The following PPFIBP1 variants were observed in gnomAD, a reference collection of about 807,000 sequenced individuals.
PPFIBP1 encodes liprin-beta-1.
A neutral mutation model predicts 137.8 loss-of-function variants in PPFIBP1; 112 were observed. The ratio of observed to expected loss-of-function variants is 0.81; its 90% confidence interval spans 0.70 to 0.95. PPFIBP1 has a LOEUF of 0.95. Ranked by LOEUF, PPFIBP1 falls within the 40% of genes least tolerant of loss-of-function variation. The pLI, the probability that PPFIBP1 is intolerant of heterozygous loss-of-function variation, is 0.00. For synonymous variants in PPFIBP1, 378 were observed against 417.3 expected (o/e 0.91, Z 1.15); for missense variants, 1,083 against 1,196.6 (o/e 0.91, Z 1.40).
chr12:27,556,955 CA>C (rs11311175), intron 1 of PPFIBP1, among the ~76,000 whole-genome samples: 104,957 of 149,208 alleles, frequency 0.7, 36,833 homozygotes, highest in African/African-American at 0.78. Context: ...CCCCACCCCT[CA>C]AAAAAAAAAA....
rs184801743 is a variant in PPFIBP1, at chr12:27,644,586, C to A, written c.271-1476C>A. Reference sequence around the variant, plus strand: ...ATGCGTTATTCATCCTGGCTCTTTTCCAAAAAACTGCCCTTGAGAAGTTGT... The same window carrying A: ...ATGCGTTATTCATCCTGGCTCTTTTACAAAAAACTGCCCTTGAGAAGTTGT... On this transcript the variant is annotated intron_variant, in intron 4 of 29. Coordinates refer to ENST00000228425, the MANE Select transcript of PPFIBP1 (RefSeq NM_003622.4). Among the ~76,000 whole-genome samples the A allele has an allele frequency of 6.6e-5, 10 of 152,228 alleles. No individual in the cohort carries two copies. The South Asian group carries it at 1.2e-3, about 19-fold the overall frequency.
intron 25 of PPFIBP1, among the ~76,000 whole-genome samples, chr12:27,687,899 A>G (rs1426200672): frequency 6.6e-6 from 1 of 152,142 alleles, no homozygotes; most frequent in Non-Finnish European, 1.5e-5. Flanking sequence ...CCTGGGCAAC[A>G]TAGGAAGACC....
chr12:27,619,021 G>A (rs2056067996), intron 2 of PPFIBP1, among the ~76,000 whole-genome samples: 1 of 152,182 alleles, frequency 6.6e-6, no homozygotes, highest in Non-Finnish European at 1.5e-5. Context: ...AACAGAGGCT[G>A]AGAGAGAATG....
intron 7 of PPFIBP1, among the ~76,000 whole-genome samples, chr12:27,651,567 C>G (rs1317722588): frequency 2.0e-5 from 3 of 152,164 alleles, no homozygotes; most frequent in East Asian, 3.8e-4. Context: ...CCTCTTTCCC[C>G]TCTTTTTGTC....
At chr12:27,623,874 T>G (rs1457316354) in intron 2 of PPFIBP1, among the ~76,000 whole-genome samples, 1 of 152,136 alleles carries the variant, frequency 6.6e-6, no homozygotes, top group Non-Finnish European at 1.5e-5. Context: ...GAGTCATAGC[T>G]GCACACAGCA....
At chr12:27,581,360 C>T (rs2136970295) in intron 2 of PPFIBP1, among the ~76,000 whole-genome samples, 1 of 152,200 alleles carries the variant, frequency 6.6e-6, no homozygotes, top group Non-Finnish European at 1.5e-5. Context: ...CTGAATGGGC[C>T]CAGGTACAAG....
intron 1 of PPFIBP1, among the ~76,000 whole-genome samples, chr12:27,573,958 G>A (rs934236976): frequency 6.6e-5 from 10 of 150,504 alleles, no homozygotes; most frequent in Admixed American, 1.3e-4. Flanking sequence ...CTCCAGCTTG[G>A]ATGACAAAGT....
intron 1 of PPFIBP1, among the ~76,000 whole-genome samples, chr12:27,546,808 G>A (rs568845489): frequency 1.0e-3 from 156 of 152,244 alleles, no homozygotes; most frequent in African/African-American, 3.5e-3. Context: ...GAGCCCAGGA[G>A]TTCGAGACCA....
intron 2 of PPFIBP1, among the ~76,000 whole-genome samples, chr12:27,606,585 G>T (rs1315714817): frequency 6.6e-6 from 1 of 152,302 alleles, no homozygotes; most frequent in South Asian, 2.1e-4. Context: ...TAGGCCAAAG[G>T]ATATCTTCGA....
chr12:27,686,872 CA>C (rs11342490), intron 24 of PPFIBP1, among the ~76,000 whole-genome samples: 7,376 of 132,448 alleles, frequency 0.056, 550 homozygotes, highest in African/African-American at 0.19. Context: ...CCTATCTCTC[CA>C]AAAAAAAAAA....
At chr12:27,692,771 G>A (rs2061631925) in intron 29 of PPFIBP1, 25 bp from the exon 30 acceptor site, 2 of 1,614,004 alleles carry the variant, frequency 1.2e-6, no homozygotes, top group Non-Finnish European at 1.7e-6. Context: ...CTCTCAGTGT[G>A]ACTCCCTGTC....
intron 7 of PPFIBP1, among the ~76,000 whole-genome samples, chr12:27,652,519 T>C (rs1177649236): frequency 2.0e-5 from 3 of 152,234 alleles, no homozygotes; most frequent in Non-Finnish European, 4.4e-5. Context: ...AAGTTTTACA[T>C]TAGGGAGCCA....
chr12:27,647,453 T>TC (rs1315638417), intron 5 of PPFIBP1, among the ~76,000 whole-genome samples: 25 of 152,332 alleles, frequency 1.6e-4, no homozygotes, highest in South Asian at 1.2e-3. Flanking sequence ...CATGCTGTCT[T>TC]TCATAAATGG....
intron 2 of PPFIBP1, among the ~76,000 whole-genome samples, chr12:27,617,838 A>C (rs1024044965): frequency 6.6e-6 from 1 of 152,198 alleles, no homozygotes; most frequent in African/African-American, 2.4e-5. Context: ...ACTTTGGAGC[A>C]CTAGTCCTAT....
chr12:27,544,446 G>C (rs1416367662), intron 1 of PPFIBP1, among the ~76,000 whole-genome samples: 1 of 152,200 alleles, frequency 6.6e-6, no homozygotes, highest in Non-Finnish European at 1.5e-5. Context: ...TCGTCGGAGT[G>C]AACAGGCAGC....
intron 2 of PPFIBP1, among the ~76,000 whole-genome samples, chr12:27,620,354 C>T (rs2056221148): frequency 2.0e-5 from 3 of 152,166 alleles, no homozygotes; most frequent in Admixed American, 2.0e-4. Flanking sequence ...CCCTCTGGCT[C>T]ACCAGCTTCC....
rs780296569 is a variant in PPFIBP1 at position 27,646,100 on chromosome 12, A to G, written c.309A>G (p.Gln103=). The G allele has an allele frequency of 1.6e-5, 26 of 1,612,194 alleles. No homozygotes were observed. In the Admixed American group the frequency reaches 4.3e-4, roughly 27 times the overall value. ...TACCAGGGAACGGAGATGTGTATCA[A>G]GAAAGGCTGGCACGTTTAGAAAATG... The part of the protein sequence containing the change: ...GHLPGNGDVY[Q]ERLARLENDK... The change falls in exon 5 of 30, where the codon CAA becomes CAG. Residue 103 remains glutamine (Q), a synonymous_variant. Transcript: ENST00000228425.
chr12:27,605,023 A>G (rs1436609402), intron 2 of PPFIBP1, among the ~76,000 whole-genome samples: 2 of 152,180 alleles, frequency 1.3e-5, no homozygotes, highest in Non-Finnish European at 2.9e-5. Flanking sequence ...TCCATGATTC[A>G]GTCATCTCCC....
intron 2 of PPFIBP1, among the ~76,000 whole-genome samples, chr12:27,588,862 G>T (rs1296625028): frequency 6.6e-6 from 1 of 152,152 alleles, no homozygotes; most frequent in East Asian, 1.9e-4. Context: ...CCTTTGAAAG[G>T]TGGAATAAAG....
Sources: allele counts gnomAD v4.1 joint callset (sites outside exome capture counted in the v4.1 genomes callset), GRCh38; gene constraint gnomAD v4.1.1; transcripts MANE v1.5; gene names NCBI Gene and HGNC (gene_info 2026-07-23, HGNC 2026-07-21).